The following SYN3 variants were observed in gnomAD, a reference collection of about 807,000 sequenced individuals.
The protein encoded by SYN3 is synapsin III.
In SYN3, 35 loss-of-function variants were observed where a neutral mutation model predicts 65.8. That is an observed-to-expected ratio of 0.53 (90% CI 0.41 to 0.70). SYN3 has a LOEUF of 0.70. Ranked by LOEUF, SYN3 falls within the 30% of genes least tolerant of loss-of-function variation. SYN3 has a pLI of 0.00. For synonymous variants in SYN3, 270 were observed against 292.9 expected, an observed-to-expected ratio of 0.92 and a Z score of 0.80; for missense variants, 680 against 749.0, an observed-to-expected ratio of 0.91 and a Z score of 1.08.
At chr22:32,692,182 C>T (rs5754215) in intron 6 of SYN3, among the ~76,000 whole-genome samples, 117,433 of 117,538 alleles carry the variant, frequency 1, 58,665 homozygotes, top group Middle Eastern at 1. Flanking sequence ...AAAAACAGGA[C>T]GGTCTGCAAA....
At chr22:32,569,563 C>CTATATATATATA (rs373627613) in intron 7 of SYN3, among the ~76,000 whole-genome samples, 23 of 52,850 alleles carry the variant, frequency 4.4e-4, no homozygotes, top group Admixed American at 2.9e-3. Context: ...CTCTCTCTCT[C>CTATATATATATA]TCTCTCTCTA....
At chr22:32,717,725 G>A (rs904853291) in intron 6 of SYN3, among the ~76,000 whole-genome samples, 1 of 152,154 alleles carries the variant, frequency 6.6e-6, no homozygotes, top group African/African-American at 2.4e-5. Flanking sequence ...GAGTGGTCAA[G>A]CTGAAGAGTG....
intron 6 of SYN3, among the ~76,000 whole-genome samples, chr22:32,814,297 G>A (rs1185274893): frequency 1.5e-4 from 1 of 6,854 alleles, no homozygotes; most frequent in Non-Finnish European, 2.9e-4. Context: ...GGGAAGGAAG[G>A]AAGGAGAGAG....
At chr22:32,748,384 G>A (rs2045002637) in intron 6 of SYN3, among the ~76,000 whole-genome samples, 1 of 152,180 alleles carries the variant, frequency 6.6e-6, no homozygotes, top group Non-Finnish European at 1.5e-5. Flanking sequence ...ACCTCTCTGA[G>A]CTTCAGGTTC....
At chr22:33,001,630 A>G (rs577776029) in intron 2 of SYN3, among the ~76,000 whole-genome samples, 44 of 152,362 alleles carry the variant, frequency 2.9e-4, no homozygotes, top group African/African-American at 1.0e-3. Context: ...AGGAAGGATC[A>G]CAATAGTCAG....
intron 6 of SYN3, among the ~76,000 whole-genome samples, chr22:32,843,697 G>C (rs891653944): frequency 6.6e-6 from 1 of 152,136 alleles, no homozygotes; most frequent in African/African-American, 2.4e-5. Flanking sequence ...GGCCGAAGAT[G>C]CGAGCCCATG....
chr22:32,686,803 C>A (rs2060596011), intron 6 of SYN3, among the ~76,000 whole-genome samples: 1 of 151,976 alleles, frequency 6.6e-6, no homozygotes, highest in Admixed American at 6.6e-5. Flanking sequence ...CACCATTGGC[C>A]AGGCTGGTCT....
intron 4 of SYN3, among the ~76,000 whole-genome samples, chr22:32,921,530 T>C (rs915626882): frequency 6.6e-6 from 1 of 152,060 alleles, no homozygotes; most frequent in Non-Finnish European, 1.5e-5. Context: ...CAGAGGCTGG[T>C]GGAGTGGACA....
At chr22:32,858,013 G>T in intron 6 of SYN3, 12 of 1,614,148 alleles carry the variant, frequency 7.4e-6, no homozygotes, top group Non-Finnish European at 1.0e-5. Flanking sequence ...CTTTCCTCCT[G>T]TAGGTCGCGT....
At chr22:32,686,076 C>A (rs1033815629) in intron 6 of SYN3, among the ~76,000 whole-genome samples, 4 of 152,024 alleles carry the variant, frequency 2.6e-5, no homozygotes, top group African/African-American at 9.7e-5. Context: ...TTACAAGAGG[C>A]TTTTATAATG....
chr22:33,011,222 A>G (rs1268489458), intron 1 of SYN3, among the ~76,000 whole-genome samples: 1 of 152,168 alleles, frequency 6.6e-6, no homozygotes, highest in African/African-American at 2.4e-5. Context: ...TGGTAAATCC[A>G]CTTTATTAGA....
chr22:32,747,749 G>A (rs758525778), intron 6 of SYN3, among the ~76,000 whole-genome samples: 13 of 152,146 alleles, frequency 8.5e-5, no homozygotes, highest in Admixed American at 2.6e-4. Flanking sequence ...GGGTTCCAGC[G>A]CCCAGCGATG....
intron 4 of SYN3, among the ~76,000 whole-genome samples, chr22:32,927,745 C>T (rs917868247): frequency 6.6e-6 from 1 of 152,114 alleles, no homozygotes; most frequent in Non-Finnish European, 1.5e-5. Flanking sequence ...TGCAGCTCTA[C>T]GTTAATCTGA....
chr22:32,641,114 A>G (rs778482719), intron 6 of SYN3, among the ~76,000 whole-genome samples: 1 of 152,186 alleles, frequency 6.6e-6, no homozygotes, highest in Non-Finnish European at 1.5e-5. Flanking sequence ...GCATCATCAT[A>G]TATGAGAAAC....
At chr22:32,624,716 G>C (rs577551689) in intron 6 of SYN3, among the ~76,000 whole-genome samples, 66 of 152,224 alleles carry the variant, frequency 4.3e-4, no homozygotes, top group Non-Finnish European at 8.1e-4. Context: ...AAGAGGCAAG[G>C]TCCACATCTA....
intron 1 of SYN3, among the ~76,000 whole-genome samples, chr22:33,018,879 GGTGA>G (rs1246067499): frequency 1.3e-5 from 2 of 152,112 alleles, no homozygotes; most frequent in Non-Finnish European, 2.9e-5. Context: ...CCTTAACCCT[GGTGA>G]GTTTCAGCCA....
intron 6 of SYN3, among the ~76,000 whole-genome samples, chr22:32,642,437 T>A (rs1347688459): frequency 6.6e-6 from 1 of 151,812 alleles, no homozygotes; most frequent in Non-Finnish European, 1.5e-5. Flanking sequence ...ATTTTTTATC[T>A]TTTTATTTTA....
chr22:32,578,400 C>T (rs2058886242), intron 7 of SYN3, among the ~76,000 whole-genome samples: 1 of 152,062 alleles, frequency 6.6e-6, no homozygotes, highest in Non-Finnish European at 1.5e-5. Context: ...GTGTGCACCA[C>T]CACACCTGGC....
At chr22:32,855,345 C>CCT (rs1228036082) in intron 6 of SYN3, among the ~76,000 whole-genome samples, 2 of 152,228 alleles carry the variant, frequency 1.3e-5, no homozygotes, top group African/African-American at 4.8e-5. Context: ...CACTGTGCCT[C>CCT]TGAAGGAGGC....
Sources: gnomAD v4.1 joint callset for allele counts (sites outside exome capture counted in the v4.1 genomes callset) on GRCh38, gnomAD v4.1.1 for gene constraint, MANE v1.5 for transcripts, NCBI Gene and HGNC (gene_info 2026-07-23, HGNC 2026-07-21) for gene names.